COL22A1: variants seen among roughly 807,000 people sequenced by gnomAD.
COL22A1 encodes collagen type XXII alpha 1 chain, also known as collagen alpha-1(XXII) chain.
In COL22A1, 221 loss-of-function variants were observed where a neutral mutation model predicts 248.9. The observed-to-expected ratio is 0.89, with a 90% confidence interval of 0.80 to 0.99. The LOEUF (loss-of-function observed/expected upper bound fraction) is 0.99. Ranked by LOEUF, COL22A1 falls within the 50% of genes least tolerant of loss-of-function variation. The pLI, the probability that COL22A1 is intolerant of heterozygous loss-of-function variation, is 0.00. For synonymous variants in COL22A1, 891 were observed against 793.4 expected, an observed-to-expected ratio of 1.12 and a Z score of -2.07; for missense variants, 2,240 against 2,179.0, an observed-to-expected ratio of 1.03 and a Z score of -0.56.
At chr8:138,716,356 T>C (rs993225975) in intron 28 of COL22A1, 67 bp from the exon 29 acceptor site, 36 of 1,128,956 alleles carry the variant, frequency 3.2e-5, no homozygotes, top group African/African-American at 2.0e-4. Context: ...CTGCAGGCCA[T>C]GTGCTCTCAG....
chr8:138,700,842 A>G (rs1393726341), intron 31 of COL22A1, among the ~76,000 whole-genome samples: 10 of 152,038 alleles, frequency 6.6e-5, no homozygotes, highest in South Asian at 2.1e-4. Flanking sequence ...AAAATTAGCT[A>G]GGCGTGATGC....
chr8:138,850,095 T>C (rs1360658319), intron 3 of COL22A1, among the ~76,000 whole-genome samples: 1 of 152,204 alleles, frequency 6.6e-6, no homozygotes, highest in East Asian at 1.9e-4. Context: ...TGTGAGAAGA[T>C]GAAGACAACT....
At chr8:138,865,266 T>C (rs1822774470) in intron 3 of COL22A1, among the ~76,000 whole-genome samples, 1 of 152,190 alleles carries the variant, frequency 6.6e-6, no homozygotes, top group Non-Finnish European at 1.5e-5. Flanking sequence ...AGCATCCCTT[T>C]CTAGGTTTGG....
Position 138,821,154 on chromosome 8 carries a change from G to A in COL22A1, c.1227C>T (p.Tyr409=), listed in dbSNP as rs778812596. 70 of 1,614,038 alleles carry A rather than the reference G, an allele frequency of 4.3e-5. No homozygotes were observed. The Admixed American group carries it at 6.3e-4, about 15-fold the overall frequency. The change falls in exon 7 of 65, where the codon TAC becomes TAT. Residue 409 remains tyrosine, a synonymous_variant. Coordinates refer to ENST00000303045, the MANE Select transcript of COL22A1 (RefSeq NM_152888.3). ...TACTCACGTCAATGGGCACACTGTCGTAGAGGCGCTTGCCAATCACAGTCT... is the reference window on the plus strand; with the variant it reads ...TACTCACGTCAATGGGCACACTGTCATAGAGGCGCTTGCCAATCACAGTCT... The part of the protein sequence containing the change: ...QGKTVIGKRL[Y]DSVPIDFDLQ...
chr8:138,910,688 G>A (rs1815391723), intron 1 of COL22A1, among the ~76,000 whole-genome samples: 1 of 151,998 alleles, frequency 6.6e-6, no homozygotes, highest in Admixed American at 6.6e-5. Context: ...ACATTCCTGT[G>A]GGCCTTTCTC....
In COL22A1 at chr8:138,762,421, C is replaced by T. The variant is rs781342156; in HGVS notation, c.1849G>A (p.Gly617Arg). 6.2e-7 allele frequency: 1 copy of T among 1,614,144 alleles called. No individual in the cohort carries two copies. The highest frequency in any genetic ancestry group is 8.5e-7 in the Non-Finnish European group (1 of 1,179,988). Residue 617 changes from glycine to arginine, a missense_variant, in exon 17 of 65, where the codon GGA becomes AGA. By Grantham distance (125) the Gly-to-Arg change is moderately radical. Coordinates refer to ENST00000303045, the MANE Select transcript of COL22A1 (RefSeq NM_152888.3). ...DGFPGKPGDTGQQGRPGPSGV... is the reference protein window; with the variant it reads ...DGFPGKPGDTRQQGRPGPSGV... ...CGCCAGCACCCACCTACCTGCTGTC[C>T]TGTGTCCCCAGGCTTCCCAGGGAAT...
In COL22A1 at chr8:138,660,905, CACAT is replaced by C. The variant is rs1329698420; in HGVS notation, c.3241-429_3241-426del. The stretch of plus-strand genomic sequence containing the variant: ...ACACATACACAGACACACAAACACA[CACAT>C]ACACAGACACACACACAGACACACA... On this transcript the variant is annotated intron_variant, in intron 43 of 64. Coordinates refer to ENST00000303045, the MANE Select transcript of COL22A1 (RefSeq NM_152888.3). Among the ~76,000 whole-genome samples the C allele has an allele frequency of 5.0e-4, 41 of 81,584 alleles. 1 individual carries two copies. The highest frequency in any genetic ancestry group is 1.5e-3 in the African/African-American group (33 of 22,172). The allele number at this position is 81,584 out of a possible 152,430, so 53.5% of individuals were successfully genotyped here.
At chr8:138,717,477 T>A (rs758799687) in intron 27 of COL22A1, among the ~76,000 whole-genome samples, 2 of 152,080 alleles carry the variant, frequency 1.3e-5, no homozygotes, top group Non-Finnish European at 2.9e-5. Context: ...TAGTTTTAGT[T>A]TTTTTAGAGA....
At chr8:138,669,590 T>G (rs1208239061) in intron 41 of COL22A1, among the ~76,000 whole-genome samples, 1 of 152,140 alleles carries the variant, frequency 6.6e-6, no homozygotes, top group African/African-American at 2.4e-5. Context: ...AAATGCCTGC[T>G]TTGTCTCTCA....
intron 3 of COL22A1, among the ~76,000 whole-genome samples, chr8:138,852,019 G>A (rs1186391832): frequency 2.6e-5 from 4 of 152,182 alleles, no homozygotes; most frequent in African/African-American, 7.2e-5. Flanking sequence ...TGGGGAAGGG[G>A]GGATTGGAGG....
intron 4 of COL22A1, among the ~76,000 whole-genome samples, chr8:138,841,489 T>A (rs933623256): frequency 2.0e-5 from 3 of 152,124 alleles, no homozygotes; most frequent in African/African-American, 7.2e-5. Context: ...TGAGAATAAG[T>A]TGGGGATGGA....
At chr8:138,881,234 G>A (rs1031079333) in intron 2 of COL22A1, among the ~76,000 whole-genome samples, 7 of 149,098 alleles carry the variant, frequency 4.7e-5, no homozygotes, top group Non-Finnish European at 1.0e-4. Context: ...CATGTTCCCT[G>A]CGTATAAAAC....
intron 7 of COL22A1, among the ~76,000 whole-genome samples, chr8:138,816,690 A>T (rs4736127): frequency 2.0e-5 from 3 of 152,114 alleles, no homozygotes; most frequent in Non-Finnish European, 2.9e-5. Context: ...CTGTGGTGGG[A>T]ACCAAGGAAA....
intron 1 of COL22A1, among the ~76,000 whole-genome samples, chr8:138,904,916 G>A (rs1046664807): frequency 2.6e-5 from 4 of 152,174 alleles, no homozygotes; most frequent in Non-Finnish European, 5.9e-5. Context: ...AGGCCCCACA[G>A]ACTTGAGCCT....
At chr8:138,807,287 C>A (rs919372372) in intron 10 of COL22A1, among the ~76,000 whole-genome samples, 2 of 152,136 alleles carry the variant, frequency 1.3e-5, no homozygotes, top group South Asian at 2.1e-4. Context: ...AACAGTATAA[C>A]CCTGGGAAGT....
intron 3 of COL22A1, among the ~76,000 whole-genome samples, chr8:138,850,405 A>T (rs1052228545): frequency 6.6e-6 from 1 of 152,198 alleles, no homozygotes; most frequent in Non-Finnish European, 1.5e-5. Context: ...ATCCCCCTGG[A>T]CCTGCTGACA....
intron 49 of COL22A1, among the ~76,000 whole-genome samples, chr8:138,633,770 C>T (rs1480358791): frequency 2.0e-5 from 3 of 152,102 alleles, no homozygotes; most frequent in African/African-American, 7.2e-5. Context: ...AAATACAGTG[C>T]AAAGCAACTA....
intron 22 of COL22A1, among the ~76,000 whole-genome samples, chr8:138,747,155 C>T (rs1832186237): frequency 6.6e-6 from 1 of 152,160 alleles, no homozygotes; most frequent in Non-Finnish European, 1.5e-5. Flanking sequence ...TATTTAGAAA[C>T]AACATGATGT....
chr8:138,874,152 A>G (rs1404113219), intron 3 of COL22A1, among the ~76,000 whole-genome samples: 1 of 152,180 alleles, frequency 6.6e-6, no homozygotes, highest in Non-Finnish European at 1.5e-5. Flanking sequence ...ATTTCATTTC[A>G]TTTGTAGCCA....
Sources: allele counts gnomAD v4.1 joint callset (sites outside exome capture counted in the v4.1 genomes callset), GRCh38; gene constraint gnomAD v4.1.1; transcripts MANE v1.5; gene names NCBI Gene and HGNC (gene_info 2026-07-23, HGNC 2026-07-21).